MSL3: variants seen among roughly 807,000 people sequenced by gnomAD.
The protein encoded by MSL3 is MSL3-like 1.
Under a neutral mutation model 37.2 loss-of-function variants are expected in MSL3, and 5 were observed. The ratio of observed to expected loss-of-function variants is 0.13; its 90% CI spans 0.07 to 0.28. MSL3 has a LOEUF of 0.28. Ranked by LOEUF, MSL3 falls within the 10% of genes least tolerant of loss-of-function variation. The probability of loss-of-function intolerance (pLI) is 1.00; values close to 1 mark genes in which losing one functional copy is unlikely to be tolerated. For synonymous variants in MSL3, 149 were observed against 147.6 expected, an observed-to-expected ratio of 1.01 and a Z score of -0.07; for missense variants, 315 against 408.5, an observed-to-expected ratio of 0.77 and a Z score of 1.97.
At chrX:11,771,017 C>G (rs1214614948) in intron 10 of MSL3, among the ~76,000 whole-genome samples, 2 of 112,448 alleles carry the variant, frequency 1.8e-5, no homozygotes, top group Non-Finnish European at 3.8e-5. Context: ...GGGTGGAGAC[C>G]TAGGCGAGAG....
chrX:11,760,010 CTTT>C, intron 2 of MSL3, 135 bp downstream of exon 2: 3 of 746,019 alleles, frequency 4.0e-6, no homozygotes, highest in East Asian at 3.5e-5. Flanking sequence ...TTGCAAACTT[CTTT>C]AAGTTTTTGA....
chrX:11,769,370 G>A (rs115321959), intron 10 of MSL3, among the ~76,000 whole-genome samples: 1,933 of 111,929 alleles, frequency 0.017, 40 homozygotes, highest in African/African-American at 0.058. Flanking sequence ...TTGAATTCTC[G>A]AGATCAGCCT....
At chrX:11,764,710 G>T (rs2147246516) in intron 8 of MSL3, among the ~76,000 whole-genome samples, 1 of 112,056 alleles carries the variant, frequency 8.9e-6, no homozygotes, top group South Asian at 3.8e-4. Context: ...CACTTGCAGT[G>T]TGCTGCCCTT....
At chrX:11,766,507 C>A (rs1236356626) in intron 9 of MSL3, 1 of 752,924 alleles carries the variant, frequency 1.3e-6, no homozygotes, top group Non-Finnish European at 1.6e-6. Context: ...CTAATTAAGC[C>A]CTCTTAGTAG....
chrX:11,768,834 G>T, intron 10 of MSL3, 152 bp downstream of exon 10: 1 of 423,840 alleles, frequency 2.4e-6, no homozygotes. Context: ...TAACACTGTG[G>T]GTTTTGGTTT....
intron 1 of MSL3, among the ~76,000 whole-genome samples, chrX:11,759,350 A>AGGG (rs371619058): frequency 7.1e-4 from 73 of 102,452 alleles, no homozygotes; most frequent in African/African-American, 2.2e-3. Context: ...CTCGGGGCGG[A>AGGG]GGGGGGGGGG....
At chrX:11,764,705 G>A (rs918003584) in intron 8 of MSL3, among the ~76,000 whole-genome samples, 13 of 111,983 alleles carry the variant, frequency 1.2e-4, no homozygotes, top group Non-Finnish European at 2.3e-4. Flanking sequence ...CCTCCCACTT[G>A]CAGTGTGCTG....
intron 12 of MSL3, among the ~76,000 whole-genome samples, chrX:11,773,902 A>C (rs981133421): frequency 3.6e-5 from 4 of 112,379 alleles, no homozygotes; most frequent in Non-Finnish European, 7.5e-5. Context: ...TTAGCTATCC[A>C]ATGAGTTTTG....
chrX:11,761,655 C>G, intron 5 of MSL3, 73 bp downstream of exon 5: 1 of 570,084 alleles, frequency 1.8e-6, no homozygotes, highest in Non-Finnish European at 2.7e-6. Context: ...GTGAAATACT[C>G]CAGTTGTGAA....
intron 9 of MSL3, chrX:11,766,450 C>G: frequency 2.7e-6 from 2 of 752,914 alleles, no homozygotes; most frequent in Non-Finnish European, 3.1e-6. Context: ...TATACACTAA[C>G]CAGGCATTTT....
intron 12 of MSL3, 93 bp from the exon 13 acceptor site, chrX:11,774,887 C>T (rs1040133916): frequency 4.9e-6 from 3 of 612,502 alleles, no homozygotes; most frequent in African/African-American, 4.6e-5. Flanking sequence ...TACCAAAAAA[C>T]AGTTGAAATG....
Position 11,766,152 on chromosome X carries a change from A to G in MSL3, c.1171+423A>G, listed in dbSNP as rs1010977566. The G allele has an allele frequency of 4.9e-6, 4 of 822,434 alleles. No homozygotes were observed. In the East Asian group the frequency reaches 3.2e-4, roughly 66 times the overall value. The allele number at this position is 822,434 out of a possible 1,213,427, so 67.8% of individuals were successfully genotyped here. A position where few individuals can be genotyped will look rare whatever the true frequency, so the allele number is the denominator to read the frequency against. ...AATTTGGAAAGGTCTGTCCTGAATT[A>G]TCAAAGTAAGAATACTCAGATTTCC... On this transcript the variant is annotated intron_variant, in intron 9 of 12. Transcript: ENST00000312196.
At chrX:11,765,410 A>T (rs2053171323) in intron 8 of MSL3, 57 bp from the exon 9 acceptor site, 1 of 1,142,075 alleles carries the variant, frequency 8.8e-7, no homozygotes, top group South Asian at 2.0e-5. Context: ...CTTCAGAAGC[A>T]CTCCATGTTC....
At chrX:11,769,876 G>C (rs143212604) in intron 10 of MSL3, among the ~76,000 whole-genome samples, 7,099 of 112,411 alleles carry the variant, frequency 0.063, 190 homozygotes, top group Middle Eastern at 0.096. Context: ...AAAGTGCTGG[G>C]GTTACAGGCA....
chrX:11,767,204 G>A (rs1483047695), intron 9 of MSL3: 1 of 753,103 alleles, frequency 1.3e-6, no homozygotes. Context: ...TTTGAAGATT[G>A]GGAAGGCTCA....
intron 12 of MSL3, among the ~76,000 whole-genome samples, chrX:11,772,981 T>A (rs1313596486): frequency 1.8e-5 from 2 of 112,306 alleles, no homozygotes; most frequent in East Asian, 2.8e-4. Context: ...AAAAACCTTA[T>A]AAATAGAAAA....
chrX:11,765,025 C>T (rs1210122008), intron 8 of MSL3, among the ~76,000 whole-genome samples: 2 of 112,843 alleles, frequency 1.8e-5, no homozygotes, highest in Non-Finnish European at 3.7e-5. Context: ...TACGTTTCAA[C>T]GAGGTGGTAG....
At chrX:11,766,539 G>T in intron 9 of MSL3, 3 of 754,459 alleles carry the variant, frequency 4.0e-6, no homozygotes, top group Non-Finnish European at 4.7e-6. Context: ...TTACATTGAA[G>T]ACCTCATTCA....
intron 10 of MSL3, among the ~76,000 whole-genome samples, chrX:11,770,393 G>A (rs936062562): frequency 2.7e-5 from 3 of 111,948 alleles, no homozygotes; most frequent in African/African-American, 9.8e-5. Flanking sequence ...AATTTAAGGG[G>A]CATCTGAGTT....
Sources: allele counts gnomAD v4.1 joint callset (sites outside exome capture counted in the v4.1 genomes callset), GRCh38; gene constraint gnomAD v4.1.1; transcripts MANE v1.5; gene names NCBI Gene and HGNC (gene_info 2026-07-23, HGNC 2026-07-21).